Variants in BBX observed in about 807,000 individuals in gnomAD.
BBX encodes the protein HMG box transcription factor BBX.
Under a neutral mutation model 100.2 loss-of-function variants are expected in BBX, and 30 were observed. The ratio of observed to expected loss-of-function variants is 0.30; its 90% CI spans 0.22 to 0.41. The LOEUF (loss-of-function observed/expected upper bound fraction) is 0.41. BBX is among the 10% of genes least tolerant of loss of function. BBX has a pLI of 1.00. For missense variants in BBX, 1,023 were observed against 1,129.8 expected, an observed-to-expected ratio of 0.91 and a Z score of 1.35; for synonymous variants, 376 against 388.1, an observed-to-expected ratio of 0.97 and a Z score of 0.37.
chr3:107,700,408 CATCATCATT>C lies in BBX; in HGVS notation c.-9-10041_-9-10033del, dbSNP rs1431369303. Among the ~76,000 whole-genome samples the C allele has an allele frequency of 5.3e-3, 155 of 29,450 alleles. 4 individuals carry two copies. Among genetic ancestry groups the C allele is most frequent in the African/African-American group, 9.3e-3 (139 of 15,016 alleles). The allele number at this position is 29,450 out of a possible 152,430, so 19.3% of individuals were successfully genotyped here. On this transcript the variant is annotated intron_variant, in intron 3 of 17. Transcript: ENST00000325805. ...AGCAGGAGGCAAAGGTATTTTCTTTCATCATCATTATTATTATTATTATTATTATTATTA... is the reference window on the plus strand; with the variant it reads ...AGCAGGAGGCAAAGGTATTTTCTTTCATTATTATTATTATTATTATTATTA...
chr3:107,535,696 G>A (rs559013065), intron 2 of BBX, among the ~76,000 whole-genome samples: 3 of 151,542 alleles, frequency 2.0e-5, no homozygotes, highest in African/African-American at 4.8e-5. Context: ...GGGTTCAAGC[G>A]ATTCTTGTGC....
intron 9 of BBX, among the ~76,000 whole-genome samples, chr3:107,752,338 C>T (rs2065138376): frequency 6.6e-6 from 1 of 152,160 alleles, no homozygotes; most frequent in South Asian, 2.1e-4. Flanking sequence ...ACACCATATA[C>T]TTACACTGTA....
intron 17 of BBX, among the ~76,000 whole-genome samples, chr3:107,804,409 G>T (rs530945022): frequency 6.6e-6 from 1 of 152,162 alleles, no homozygotes; most frequent in Non-Finnish European, 1.5e-5. Context: ...ACCATTGTAG[G>T]TTACAGAGCA....
Position 107,629,483 on chromosome 3 carries a change from C to G in BBX, c.-83-16353C>G, listed in dbSNP as rs999530617. 5.3e-5 allele frequency among the ~76,000 whole-genome samples: 8 copies of G among 152,260 alleles called. No individual in the cohort carries two copies. In the Middle Eastern group the frequency reaches 0.01, roughly 194 times the overall value. Reference sequence around the variant, plus strand: ...GATGTTTGAAGCTACTGTGAAATAACTGGGCAGCCTCACAGAGGATATATT... The same window carrying G: ...GATGTTTGAAGCTACTGTGAAATAAGTGGGCAGCCTCACAGAGGATATATT... On this transcript the variant is annotated intron_variant, in intron 2 of 17. Coordinates refer to ENST00000325805, the MANE Select transcript of BBX (RefSeq NM_001142568.3).
In BBX at chr3:107,553,471, A is replaced by G. The variant is rs532382573; in HGVS notation, c.-84+27073A>G. 7.9e-5 allele frequency among the ~76,000 whole-genome samples: 12 copies of G among 152,354 alleles called. No individual in the cohort carries two copies. The South Asian group carries it at 2.1e-3, about 26-fold the overall frequency. ...CCCGTGCTCCCAAGTAATTATTGCTAAAATCTAAGTCCTGGCTTTTTAACG... is the reference window on the plus strand; with the variant it reads ...CCCGTGCTCCCAAGTAATTATTGCTGAAATCTAAGTCCTGGCTTTTTAACG... On this transcript the variant is annotated intron_variant, in intron 2 of 17. Transcript: ENST00000325805.
intron 10 of BBX, among the ~76,000 whole-genome samples, chr3:107,758,508 G>C (rs964010360): frequency 2.6e-5 from 4 of 152,120 alleles, no homozygotes; most frequent in African/African-American, 9.7e-5. Context: ...GGGAGAATAT[G>C]GTAGAGATGC....
At chr3:107,750,949 T>C (rs1209794599) in intron 9 of BBX, among the ~76,000 whole-genome samples, 2 of 152,212 alleles carry the variant, frequency 1.3e-5, no homozygotes, top group South Asian at 2.1e-4. Context: ...GAAGGCTGTT[T>C]ACACACAGAT....
intron 9 of BBX, among the ~76,000 whole-genome samples, chr3:107,748,867 G>A (rs2064835632): frequency 1.3e-5 from 2 of 152,076 alleles, no homozygotes; most frequent in Middle Eastern, 3.4e-3. Context: ...TAATATTGAT[G>A]TATTGAATCA....
chr3:107,664,347 C>T (rs550908255), intron 3 of BBX, among the ~76,000 whole-genome samples: 2 of 152,264 alleles, frequency 1.3e-5, no homozygotes, highest in South Asian at 2.1e-4. Context: ...TAAGTATTCT[C>T]TCTCTCTGGC....
At chr3:107,804,144 A>C (rs1330805476) in intron 17 of BBX, among the ~76,000 whole-genome samples, 1 of 152,170 alleles carries the variant, frequency 6.6e-6, no homozygotes, top group African/African-American at 2.4e-5. Flanking sequence ...TTGCTTTTCT[A>C]AAATCCTAAA....
rs1373442336 is a variant in BBX, at chr3:107,665,976, C to A, written c.-10+20067C>A. The stretch of plus-strand genomic sequence containing the variant: ...AGGTGAATGGTGAGTGACAGCCTGA[C>A]TTCTTTCCTTGCACCTTCATGTAGT... On this transcript the variant is annotated intron_variant, in intron 3 of 17. Coordinates refer to ENST00000325805, the MANE Select transcript of BBX (RefSeq NM_001142568.3). Among the ~76,000 whole-genome samples the A allele has an allele frequency of 2.0e-5, 3 of 152,182 alleles. No individual in the cohort carries two copies. In the South Asian group the frequency reaches 6.2e-4, roughly 31 times the overall value.
intron 2 of BBX, among the ~76,000 whole-genome samples, chr3:107,596,274 G>A (rs2053662583): frequency 6.6e-6 from 1 of 152,038 alleles, no homozygotes; most frequent in Admixed American, 6.6e-5. Context: ...ATGGGGGTAG[G>A]GACTTCATGC....
chr3:107,574,795 T>G (rs1418842660), intron 2 of BBX, among the ~76,000 whole-genome samples: 4 of 152,112 alleles, frequency 2.6e-5, no homozygotes, highest in Non-Finnish European at 5.9e-5. Context: ...ATTATAAAAA[T>G]TGATTTATTT....
intron 2 of BBX, among the ~76,000 whole-genome samples, chr3:107,588,488 G>A (rs962110588): frequency 6.6e-6 from 1 of 151,944 alleles, no homozygotes; most frequent in Non-Finnish European, 1.5e-5. Context: ...GGATGAGAGG[G>A]GTGTGGCACA....
At chr3:107,572,885 C>T (rs1197248240) in intron 2 of BBX, among the ~76,000 whole-genome samples, 3 of 152,022 alleles carry the variant, frequency 2.0e-5, no homozygotes, top group African/African-American at 7.2e-5. Context: ...AATTTGCTAC[C>T]GGTGTACCCA....
chr3:107,777,477 T>G (rs887570416), intron 12 of BBX, among the ~76,000 whole-genome samples: 3 of 152,162 alleles, frequency 2.0e-5, no homozygotes, highest in African/African-American at 7.2e-5. Flanking sequence ...CCAATACACC[T>G]TCTTCCATTT....
At chr3:107,590,656 C>T (rs1418125199) in intron 2 of BBX, among the ~76,000 whole-genome samples, 2 of 152,154 alleles carry the variant, frequency 1.3e-5, no homozygotes, top group African/African-American at 4.8e-5. Flanking sequence ...TTATTTTACC[C>T]ATCCCTCTCT....
Position 107,584,103 on chromosome 3 carries a change from ATTATATATTATATATAAT to A in BBX, c.-84+57706_-84+57723del, listed in dbSNP as rs1559840133. Reference sequence around the variant, plus strand: ...ATTATATATATCATATATTATATATATTATATATTATATATAATATATATATTATTATATATATTATAT... The same window carrying A: ...ATTATATATATCATATATTATATATAATATATATTATTATATATATTATAT... On this transcript the variant is annotated intron_variant, in intron 2 of 17. Transcript: ENST00000325805. 2.3e-4 allele frequency among the ~76,000 whole-genome samples: 5 copies of A among 21,976 alleles called. 1 individual carries two copies. The highest frequency in any genetic ancestry group is 5.0e-4 in the East Asian group (1 of 1,986). 14.4% of individuals were successfully genotyped at this position (21,976 alleles called of 152,430 possible). A position where few individuals can be genotyped will look rare whatever the true frequency, so the allele number is the denominator to read the frequency against.
chr3:107,618,801 T>C (rs2055503412), intron 2 of BBX, among the ~76,000 whole-genome samples: 1 of 152,108 alleles, frequency 6.6e-6, no homozygotes, highest in South Asian at 2.1e-4. Flanking sequence ...TTGAAGAATG[T>C]GTTTTATAGC....
Sources: gnomAD v4.1 joint callset for allele counts (sites outside exome capture counted in the v4.1 genomes callset) on GRCh38, gnomAD v4.1.1 for gene constraint, MANE v1.5 for transcripts, NCBI Gene and HGNC (gene_info 2026-07-23, HGNC 2026-07-21) for gene names.